Variants in NAA60 observed in about 807,000 individuals in gnomAD.
The protein encoded by NAA60 is N-alpha-acetyltransferase 60.
A neutral mutation model predicts 26.1 loss-of-function variants in NAA60; 8 were observed. That is an observed-to-expected ratio of 0.31 (90% CI 0.18 to 0.55). The LOEUF is 0.55. Among genes scored for constraint, NAA60 ranks in the 20% least tolerant of loss-of-function variants. The pLI, the probability that NAA60 is intolerant of heterozygous loss-of-function variation, is 0.93. For missense variants in NAA60, 290 were observed against 311.3 expected (o/e 0.93, Z 0.51); for synonymous variants, 131 against 122.5 (o/e 1.07, Z -0.46).
rs138927979 is a variant in NAA60 at position 3,471,515 on chromosome 16, A to C, written c.-6-4707A>C. Among the ~76,000 whole-genome samples the C allele has an allele frequency of 1.5e-3, 234 of 152,210 alleles. 3 individuals are homozygous for C. The highest frequency in any genetic ancestry group is 5.4e-3 in the African/African-American group (224 of 41,512). On this transcript the variant is annotated intron_variant, in intron 2 of 7. Transcript: ENST00000407558. The stretch of plus-strand genomic sequence containing the variant: ...CAAGACTCCATCTCAAAAAATAATA[A>C]TAATAAAAAGATCTGGAACGTTTTC...
chr16:3,474,745 C>A (rs536442263), intron 2 of NAA60, among the ~76,000 whole-genome samples: 21 of 152,340 alleles, frequency 1.4e-4, no homozygotes, highest in African/African-American at 4.6e-4. Flanking sequence ...GCGGATTTCA[C>A]GGCCTTTCCT....
chr16:3,458,718 C>T (rs992492936), intron 2 of NAA60, among the ~76,000 whole-genome samples: 1 of 152,188 alleles, frequency 6.6e-6, no homozygotes, highest in Non-Finnish European at 1.5e-5. Context: ...TAGGTCTCCT[C>T]CTAGTCTTAT....
At position 3,485,640 on chromosome 16, in the gene NAA60, A is replaced by T. The variant is rs759689996; in HGVS notation, c.*380A>T. 4.4e-6 allele frequency: 2 copies of T among 456,672 alleles called. No homozygotes were observed. Among genetic ancestry groups the T allele is most frequent in the Admixed American group, 4.7e-5 (2 of 42,582 alleles). The allele number at this position is 456,672 out of a possible 1,614,324, so 28.3% of individuals were successfully genotyped here. A position where few individuals can be genotyped will look rare whatever the true frequency, so the allele number is the denominator to read the frequency against. On this transcript the variant is annotated 3_prime_UTR_variant, in exon 8 of 8. Transcript: ENST00000407558. ...CCTGTTCTTGCAGCTCCTTCCTGGA[A>T]AGCTGGAGGGGACTTTCTCCTGCAA...
chr16:3,471,238 A>G (rs187878864), intron 2 of NAA60, among the ~76,000 whole-genome samples: 9,338 of 152,236 alleles, frequency 0.061, 377 homozygotes, highest in Admixed American at 0.084. Flanking sequence ...CGCGGTGCTC[A>G]CACCTGTAAT....
At chr16:3,476,061 C>G (rs2036460906) in intron 2 of NAA60, 161 bp from the exon 3 acceptor site, 1 of 596,680 alleles carries the variant, frequency 1.7e-6, no homozygotes, top group South Asian at 2.0e-5. Flanking sequence ...TGCAGCGCCT[C>G]TTGGGAGGGC....
At chr16:3,447,530 G>A in intron 1 of NAA60, 1 of 985,372 alleles carries the variant, frequency 1.0e-6, no homozygotes, top group Non-Finnish European at 1.2e-6. Context: ...TATGGCTCTG[G>A]TTCTTACCGC....
chr16:3,484,968 G>A lies in NAA60; in HGVS notation c.*113G>A. The A allele has an allele frequency of 6.5e-7, 1 of 1,530,506 alleles. No homozygotes were observed. Among genetic ancestry groups the A allele is most frequent in the Non-Finnish European group, 8.8e-7 (1 of 1,140,720 alleles). 94.8% of individuals were successfully genotyped at this position (1,530,506 alleles called of 1,614,324 possible). A position where few individuals can be genotyped will look rare whatever the true frequency, so the allele number is the denominator to read the frequency against. On this transcript the variant is annotated 3_prime_UTR_variant, in exon 7 of 8. Transcript: ENST00000407558. The stretch of plus-strand genomic sequence containing the variant: ...CAAGGAGCTGCCAGCCATCTAACTG[G>A]GCTCGTCGGCCTGCCCCAGCTGCAG...
At chr16:3,466,007 G>A (rs145353526) in intron 2 of NAA60, among the ~76,000 whole-genome samples, 45 of 152,332 alleles carry the variant, frequency 3.0e-4, no homozygotes, top group Non-Finnish European at 5.6e-4. Flanking sequence ...ACCTGTGGCC[G>A]TTGCTGCTGT....
At chr16:3,449,977 C>T (rs1198417187) in intron 2 of NAA60, 3 of 398,290 alleles carry the variant, frequency 7.5e-6, no homozygotes, top group Non-Finnish European at 1.3e-5. Context: ...GTAAATTGCG[C>T]AGTCTCAGGT....
At chr16:3,458,299 C>G in intron 2 of NAA60, 1 of 651,808 alleles carries the variant, frequency 1.5e-6, no homozygotes, top group Non-Finnish European at 1.9e-6. Flanking sequence ...GGTACGAGCG[C>G]GCTGGTGAGG....
At chr16:3,457,713 G>A (rs565653932) in intron 2 of NAA60, among the ~76,000 whole-genome samples, 164 of 152,350 alleles carry the variant, frequency 1.1e-3, no homozygotes, top group African/African-American at 3.9e-3. Context: ...GGCCTGTGCG[G>A]GGGGGCCACT....
chr16:3,479,652 C>G lies in NAA60; in HGVS notation c.240+52C>G. ...TGGCAGTCACTGTCATTGGACGGGC[C>G]AAGGGGGCTTGCGATGGAATCATGC... On this transcript the variant is annotated intron_variant, in intron 4 of 7. Transcript: ENST00000407558. The G allele has an allele frequency of 2.5e-6, 4 of 1,594,188 alleles. No homozygotes were observed. In the South Asian group the frequency reaches 3.4e-5, roughly 13 times the overall value.
At chr16:3,444,291 T>C (rs2034462121) in intron 1 of NAA60, among the ~76,000 whole-genome samples, 1 of 152,188 alleles carries the variant, frequency 6.6e-6, no homozygotes, top group Non-Finnish European at 1.5e-5. Context: ...CTCCCCAAGC[T>C]CTGCCACTGA....
intron 2 of NAA60, among the ~76,000 whole-genome samples, chr16:3,462,104 A>AAAAAAAC (rs1414883728): frequency 6.6e-6 from 1 of 151,652 alleles, no homozygotes; most frequent in Non-Finnish European, 1.5e-5. Context: ...AAAAAAAAAA[A>AAAAAAAC]ACCTTTCAGT....
intron 2 of NAA60, among the ~76,000 whole-genome samples, chr16:3,452,334 G>C (rs1439812406): frequency 6.6e-6 from 1 of 152,136 alleles, no homozygotes; most frequent in Non-Finnish European, 1.5e-5. Context: ...CTTTCTGGCA[G>C]GCAATCTAGG....
At chr16:3,466,416 A>G (rs1339427601) in intron 2 of NAA60, among the ~76,000 whole-genome samples, 2 of 152,218 alleles carry the variant, frequency 1.3e-5, no homozygotes, top group Non-Finnish European at 2.9e-5. Flanking sequence ...GCTTGCTCTC[A>G]CGTGGGCAGC....
At chr16:3,443,657 T>C (rs761183324), upstream of NAA60, 27 of 1,310,122 alleles carry the variant, frequency 2.1e-5, no homozygotes, top group Non-Finnish European at 1.7e-5. Context: ...GTAGTTTTCC[T>C]CCTTTTCTCT....
At chr16:3,482,670 C>T (rs2036922057) in intron 5 of NAA60, 72 bp downstream of exon 5, 2 of 1,008,448 alleles carry the variant, frequency 2.0e-6, no homozygotes, top group African/African-American at 1.7e-5. Flanking sequence ...ATCCCATCTG[C>T]ACCCAGTCTC....
chr16:3,452,732 G>A (rs1044460175), intron 2 of NAA60, among the ~76,000 whole-genome samples: 4 of 151,722 alleles, frequency 2.6e-5, no homozygotes, highest in African/African-American at 9.7e-5. Context: ...AAGGTGGTCA[G>A]CTCACTTGCA....
Sources: allele counts gnomAD v4.1 joint callset (sites outside exome capture counted in the v4.1 genomes callset), GRCh38; gene constraint gnomAD v4.1.1; transcripts MANE v1.5; gene names NCBI Gene and HGNC (gene_info 2026-07-23, HGNC 2026-07-21).